The following TBC1D22A variants were observed in gnomAD, a reference collection of about 807,000 sequenced individuals.
The protein encoded by TBC1D22A is putative GTPase activator.
TBC1D22A carries 38 observed loss-of-function variants against 60.2 expected under a neutral mutation model. The observed-to-expected ratio is 0.63, with a 90% CI of 0.49 to 0.83. The LOEUF is 0.83. Ranked by LOEUF, TBC1D22A falls within the 40% of genes least tolerant of loss-of-function variation. TBC1D22A has a pLI of 0.00. For synonymous variants in TBC1D22A, 302 were observed against 281.7 expected, an observed-to-expected ratio of 1.07 and a Z score of -0.72; for missense variants, 628 against 701.0, an observed-to-expected ratio of 0.90 and a Z score of 1.18.
chr22:47,143,674 C>T (rs2067186207), intron 12 of TBC1D22A, among the ~76,000 whole-genome samples: 1 of 152,226 alleles, frequency 6.6e-6, no homozygotes, highest in Non-Finnish European at 1.5e-5. Flanking sequence ...CTCTGATGGA[C>T]ACCCAGCTGA....
intron 4 of TBC1D22A, among the ~76,000 whole-genome samples, chr22:46,854,023 C>A (rs1290411700): frequency 6.6e-6 from 1 of 152,218 alleles, no homozygotes; most frequent in South Asian, 2.1e-4. Context: ...CTCCGAGTGT[C>A]CCCTGTGAGT....
Position 46,792,565 on chromosome 22 carries a change from G to A in TBC1D22A, c.108G>A (p.Leu36=). The change falls in exon 2 of 13, where the codon CTG becomes CTA. Residue 36 remains leucine, a synonymous_variant. Transcript: ENST00000337137. The part of the protein sequence containing the change: ...YGAQHPPFDP[L]LHGTLLRSTA... ...CCCAGCACCCCCCCTTTGATCCACT[G>A]TTACATGGCACGTAAGTGACGTTCC... 2 of 1,614,238 alleles carry A rather than the reference G, an allele frequency of 1.2e-6. No homozygotes were observed. The highest frequency in any genetic ancestry group is 1.7e-6 in the Non-Finnish European group (2 of 1,180,044).
chr22:46,985,619 C>T (rs1231680051), intron 9 of TBC1D22A, among the ~76,000 whole-genome samples: 1 of 152,220 alleles, frequency 6.6e-6, no homozygotes, highest in Non-Finnish European at 1.5e-5. Context: ...CTAAGTAATA[C>T]TCCACCGTGT....
intron 7 of TBC1D22A, among the ~76,000 whole-genome samples, chr22:46,899,640 A>G (rs547906218): frequency 1.4e-4 from 22 of 152,302 alleles, no homozygotes; most frequent in African/African-American, 3.8e-4. Flanking sequence ...TTGTTCCTCT[A>G]TATGCTTGGC....
chr22:47,152,569 C>T (rs1396551119), intron 12 of TBC1D22A, among the ~76,000 whole-genome samples: 5 of 152,230 alleles, frequency 3.3e-5, no homozygotes, highest in East Asian at 1.9e-4. Flanking sequence ...ACGAGGCTGT[C>T]GCAGTTGCGC....
At chr22:46,945,055 G>T (rs1156403296) in intron 8 of TBC1D22A, among the ~76,000 whole-genome samples, 1 of 152,210 alleles carries the variant, frequency 6.6e-6, no homozygotes. Flanking sequence ...CATGCATTTA[G>T]CAACTGAGCC....
chr22:46,968,649 C>T (rs136102), intron 8 of TBC1D22A, among the ~76,000 whole-genome samples: 1 of 151,900 alleles, frequency 6.6e-6, no homozygotes, highest in Non-Finnish European at 1.5e-5. Context: ...GTCCTCACTG[C>T]GTAGCCGGCG....
chr22:47,117,244 G>A (rs2066101144), intron 12 of TBC1D22A: 1 of 167,116 alleles, frequency 6.0e-6, no homozygotes, highest in African/African-American at 2.4e-5. Flanking sequence ...GAGGAAGCAG[G>A]AAAAATTGTG....
At chr22:47,024,860 GAAAA>G (rs1252354703) in intron 10 of TBC1D22A, among the ~76,000 whole-genome samples, 2 of 150,976 alleles carry the variant, frequency 1.3e-5, no homozygotes, top group Non-Finnish European at 3.0e-5. Flanking sequence ...TGTCTCAAAA[GAAAA>G]AAAAGAGAAA....
intron 4 of TBC1D22A, among the ~76,000 whole-genome samples, chr22:46,851,979 G>C (rs1262074362): frequency 2.0e-5 from 3 of 152,340 alleles, no homozygotes; most frequent in Non-Finnish European, 4.4e-5. Context: ...TTGTGCATTT[G>C]GGTTTGATGA....
In TBC1D22A at chr22:46,990,605, G is replaced by C. The variant is rs540497968; in HGVS notation, c.1126-7029G>C. ...GACATGAGTCCACCAAGAAAGTGTC[G>C]CACAGTGTCGTCCCCTGCCCTGAAC... On this transcript the variant is annotated intron_variant, in intron 9 of 12. Transcript: ENST00000337137. This position sits in a 1 kb window ranked among gnomAD's most constrained non-coding sequence, Gnocchi z 4.6. Among the ~76,000 whole-genome samples the C allele has an allele frequency of 6.6e-6, 1 of 152,032 alleles. No homozygotes were observed. Among genetic ancestry groups the C allele is most frequent in the Non-Finnish European group, 1.5e-5 (1 of 67,998 alleles).
intron 4 of TBC1D22A, among the ~76,000 whole-genome samples, chr22:46,806,014 G>GGCCCCC (rs1040592780): frequency 6.6e-6 from 1 of 151,686 alleles, no homozygotes; most frequent in African/African-American, 2.4e-5. Context: ...CACCACACCC[G>GGCCCCC]GCTAAGTTTT....
At chr22:47,021,750 C>T (rs2062098226) in intron 10 of TBC1D22A, among the ~76,000 whole-genome samples, 1 of 152,254 alleles carries the variant, frequency 6.6e-6, no homozygotes, top group South Asian at 2.1e-4. Flanking sequence ...TAATTGGTTA[C>T]AGAGCAACAG....
rs368592188 is a variant in TBC1D22A at position 47,095,267 on chromosome 22, G to A, written c.1330-16241G>A. Among the ~76,000 whole-genome samples, 6 of 152,382 alleles carry A rather than the reference G, an allele frequency of 3.9e-5. No homozygotes were observed. In the East Asian group the frequency reaches 9.6e-4, roughly 24 times the overall value. On this transcript the variant is annotated intron_variant, in intron 11 of 12. Transcript: ENST00000337137. ...GAATGGGAAACAATTTCTGTCATTT[G>A]AATGGCCTCAAAACCACATCTATGT... is the stretch of plus-strand genomic sequence containing the variant.
chr22:46,791,601 T>A (rs2084411516), intron 1 of TBC1D22A, among the ~76,000 whole-genome samples: 1 of 151,638 alleles, frequency 6.6e-6, no homozygotes, highest in Non-Finnish European at 1.5e-5. Flanking sequence ...AAAATAAATG[T>A]GTGTCACAGG....
rs373746195 is a variant in TBC1D22A at position 46,762,688 on chromosome 22, G to T, written c.-99G>T. On this transcript the variant is annotated 5_prime_UTR_variant, in exon 1 of 13. Coordinates refer to ENST00000337137, the MANE Select transcript of TBC1D22A (RefSeq NM_014346.5). ...GGCTCTAGGCTCTGGAGTCCCGGGA[G>T]CAGTGAGGGGCCACCCGGGGCACAG... is the stretch of plus-strand genomic sequence containing the variant. 9.7e-5 allele frequency: 100 copies of T among 1,032,008 alleles called. No homozygotes were observed. The East Asian group carries it at 1.9e-3, about 19-fold the overall frequency. 63.9% of individuals were successfully genotyped at this position (1,032,008 alleles called of 1,614,324 possible). A position where few individuals can be genotyped will look rare whatever the true frequency, so the allele number is the denominator to read the frequency against.
At chr22:47,041,971 G>C (rs2062859625) in intron 11 of TBC1D22A, among the ~76,000 whole-genome samples, 1 of 152,236 alleles carries the variant, frequency 6.6e-6, no homozygotes. Flanking sequence ...CAAGCACAGA[G>C]CAGGCATCAG....
chr22:46,909,735 G>T (rs1602433772), intron 7 of TBC1D22A, among the ~76,000 whole-genome samples: 1 of 152,186 alleles, frequency 6.6e-6, no homozygotes, highest in East Asian at 1.9e-4. Context: ...CCCCTCAGAG[G>T]CTTGCTGGTG....
chr22:46,975,877 G>T (rs1307576612), intron 9 of TBC1D22A, among the ~76,000 whole-genome samples: 1 of 152,222 alleles, frequency 6.6e-6, no homozygotes, highest in Non-Finnish European at 1.5e-5. Context: ...TGCGGTTGGA[G>T]AATGGAAACC....
Sources: allele counts gnomAD v4.1 joint callset (sites outside exome capture counted in the v4.1 genomes callset), GRCh38; gene constraint gnomAD v4.1.1; non-coding constraint Gnocchi (gnomAD v3.1); transcripts MANE v1.5; gene names NCBI Gene and HGNC (gene_info 2026-07-23, HGNC 2026-07-21).